DYM: variants seen among roughly 807,000 people sequenced by gnomAD.
DYM encodes dymeclin.
A neutral mutation model predicts 93.1 loss-of-function variants in DYM; 78 were observed. The observed-to-expected ratio is 0.84, with a 90% CI of 0.70 to 1.01. The LOEUF is 1.01. Ranked by LOEUF, DYM falls within the 50% of genes least tolerant of loss-of-function variation. The pLI is 0.00. For synonymous variants in DYM, 321 were observed against 319.7 expected, an observed-to-expected ratio of 1.00 and a Z score of -0.04; for missense variants, 789 against 845.0, an observed-to-expected ratio of 0.93 and a Z score of 0.82.
chr18:49,430,287 A>C lies in DYM; in HGVS notation c.108T>G (p.Leu36=), dbSNP rs762932089. The change falls in exon 2 of 18, where the codon CTT becomes CTG. Residue 36 remains leucine (L), a synonymous_variant. Coordinates refer to ENST00000675505, the MANE Select transcript of DYM (RefSeq NM_001353214.3). ...ISENDPFWNQ[L]LSFSFPAPTS... ...TTGGTGCAGGGAAAGAAAATGAGAGAAGCTGATTCCAGAACGGGTCATTCT... is the reference window on the plus strand; with the variant it reads ...TTGGTGCAGGGAAAGAAAATGAGAGCAGCTGATTCCAGAACGGGTCATTCT... The C allele has an allele frequency of 2.5e-6, 4 of 1,614,050 alleles. No homozygotes were observed. Among genetic ancestry groups the C allele is most frequent in the Non-Finnish European group, 2.5e-6 (3 of 1,179,992 alleles).
chr18:49,201,054 CA>C (rs1015637174), intron 14 of DYM, among the ~76,000 whole-genome samples: 3 of 152,076 alleles, frequency 2.0e-5, no homozygotes, highest in African/African-American at 7.2e-5. Flanking sequence ...TTGGACAGTT[CA>C]AAAAATCTTC....
At chr18:49,442,987 A>G (rs2081782440) in intron 1 of DYM, among the ~76,000 whole-genome samples, 1 of 151,686 alleles carries the variant, frequency 6.6e-6, no homozygotes, top group Non-Finnish European at 1.5e-5. Context: ...CCTCCCTAGT[A>G]GCTGGGACTA....
intron 8 of DYM, among the ~76,000 whole-genome samples, chr18:49,291,903 T>C (rs942936205): frequency 2.0e-4 from 31 of 152,218 alleles, no homozygotes; most frequent in African/African-American, 7.5e-4. Flanking sequence ...TGTTTATTTG[T>C]ATCATTTTAA....
intron 2 of DYM, among the ~76,000 whole-genome samples, chr18:49,396,478 C>T (rs1389265924): frequency 1.3e-5 from 2 of 152,058 alleles, no homozygotes; most frequent in Non-Finnish European, 2.9e-5. Context: ...CAAAATAGTA[C>T]AGTGAGCATT....
intron 8 of DYM, among the ~76,000 whole-genome samples, chr18:49,327,554 A>T (rs1411946370): frequency 2.6e-5 from 4 of 151,922 alleles, no homozygotes; most frequent in Non-Finnish European, 4.4e-5. Flanking sequence ...GTGGTGTCTC[A>T]CTATGCTGCC....
intron 2 of DYM, among the ~76,000 whole-genome samples, chr18:49,415,256 G>A (rs2072792650): frequency 7.1e-6 from 1 of 141,568 alleles, no homozygotes; most frequent in Non-Finnish European, 1.5e-5. Flanking sequence ...GGAGGTGGAG[G>A]TTGCAGTAAG....
intron 13 of DYM, among the ~76,000 whole-genome samples, chr18:49,240,764 C>T (rs1343189467): frequency 1.3e-5 from 2 of 152,176 alleles, no homozygotes; most frequent in African/African-American, 4.8e-5. Flanking sequence ...CTCTATCACA[C>T]ACCTGCTTTT....
intron 17 of DYM, among the ~76,000 whole-genome samples, chr18:49,082,971 A>C (rs1323297841): frequency 6.6e-6 from 1 of 152,132 alleles, no homozygotes; most frequent in Non-Finnish European, 1.5e-5. Flanking sequence ...TTATATTCCT[A>C]GTTGTGTGAG....
chr18:49,052,501 A>G (rs911073087), intron 17 of DYM, among the ~76,000 whole-genome samples: 2 of 152,242 alleles, frequency 1.3e-5, no homozygotes, highest in Non-Finnish European at 2.9e-5. Context: ...TCTGAATGTC[A>G]AATCAACAAC....
intron 2 of DYM, among the ~76,000 whole-genome samples, chr18:49,420,622 T>A (rs2073568762): frequency 6.6e-6 from 1 of 152,140 alleles, no homozygotes; most frequent in Non-Finnish European, 1.5e-5. Context: ...TTTCTGCATT[T>A]CCAACTGAGG....
At chr18:49,404,719 T>C (rs75329537) in intron 2 of DYM, among the ~76,000 whole-genome samples, 13,918 of 152,172 alleles carry the variant, frequency 0.091, 861 homozygotes, top group East Asian at 0.31. Flanking sequence ...ATGTCTCCCT[T>C]TGAAAACTGT....
chr18:49,159,036 A>T (rs1372070103), intron 15 of DYM, among the ~76,000 whole-genome samples: 1 of 152,192 alleles, frequency 6.6e-6, no homozygotes, highest in African/African-American at 2.4e-5. Context: ...ACCCATAAAA[A>T]TTTAAAAAAG....
chr18:49,124,089 A>T (rs2082612957), intron 15 of DYM, among the ~76,000 whole-genome samples: 1 of 152,190 alleles, frequency 6.6e-6, no homozygotes, highest in African/African-American at 2.4e-5. Context: ...TCAATGTTTA[A>T]ATAAGTAATT....
At chr18:49,188,333 A>G (rs1241334412) in intron 14 of DYM, among the ~76,000 whole-genome samples, 1 of 152,174 alleles carries the variant, frequency 6.6e-6, no homozygotes, top group Non-Finnish European at 1.5e-5. Context: ...TTGTTTTATG[A>G]GGCCCATCAC....
chr18:49,204,816 G>C (rs190599608), intron 14 of DYM, among the ~76,000 whole-genome samples: 3 of 152,262 alleles, frequency 2.0e-5, no homozygotes, highest in Non-Finnish European at 4.4e-5. Context: ...TTGATTTCTA[G>C]AGAAGTCAAA....
chr18:49,272,166 A>G lies in DYM; in HGVS notation c.1251+12T>C, dbSNP rs374105000. 2.7e-5 allele frequency: 44 copies of G among 1,611,350 alleles called. No homozygotes were observed. The highest frequency in any genetic ancestry group is 3.4e-5 in the Non-Finnish European group (40 of 1,178,000). ...GTTAACTCTAACTCTAATCCAAGTA[A>G]TGGTAACTTACCACTTCATGAATGG... On this transcript the variant is annotated intron_variant, in intron 11 of 17. Transcript: ENST00000675505.
At chr18:49,266,954 T>A (rs538886369) in intron 11 of DYM, among the ~76,000 whole-genome samples, 1 of 151,474 alleles carries the variant, frequency 6.6e-6, no homozygotes, top group Admixed American at 6.6e-5. Context: ...TTAAGAAACG[T>A]TGGGGAAAAA....
At chr18:49,288,395 C>T (rs2145867345) in intron 8 of DYM, among the ~76,000 whole-genome samples, 1 of 152,244 alleles carries the variant, frequency 6.6e-6, no homozygotes. Context: ...GATCTTTAGG[C>T]TGACAACCAT....
At chr18:49,106,684 T>G (rs529462704) in intron 16 of DYM, among the ~76,000 whole-genome samples, 263 of 152,350 alleles carry the variant, frequency 1.7e-3, no homozygotes, top group African/African-American at 6.1e-3. Context: ...TGGCTGGATA[T>G]GAAATTCTGG....
Sources: allele counts gnomAD v4.1 joint callset (sites outside exome capture counted in the v4.1 genomes callset), GRCh38; gene constraint gnomAD v4.1.1; transcripts MANE v1.5; gene names NCBI Gene and HGNC (gene_info 2026-07-23, HGNC 2026-07-21).